Variants in SLC4A4 observed in about 807,000 individuals in gnomAD.
The protein encoded by SLC4A4 is solute carrier family 4 member 4.
A neutral mutation model predicts 111.5 loss-of-function variants in SLC4A4; 27 were observed. That is an observed-to-expected ratio of 0.24 (90% CI 0.18 to 0.33). The LOEUF (loss-of-function observed/expected upper bound fraction) is 0.33. SLC4A4 is among the 10% of genes least tolerant of loss of function. The pLI, the probability that SLC4A4 is intolerant of heterozygous loss-of-function variation, is 1.00. For synonymous variants in SLC4A4, 443 were observed against 463.4 expected, an observed-to-expected ratio of 0.96 and a Z score of 0.57; for missense variants, 909 against 1,315.5, an observed-to-expected ratio of 0.69 and a Z score of 4.78.
At chr4:71,319,781 A>G (rs1726974860) in intron 3 of SLC4A4, among the ~76,000 whole-genome samples, 2 of 151,942 alleles carry the variant, frequency 1.3e-5, no homozygotes, top group Non-Finnish European at 1.5e-5. Context: ...TGTTGTTATT[A>G]TATGTCAAAA....
In SLC4A4 at chr4:71,450,428, G is replaced by T. The variant is rs368983343; in HGVS notation, c.1093G>T (p.Asp365Tyr). ...TGCTTATAAAGCAAAAGACAGGCAC[G>T]ACCTGATTGCTGGTATTGATGAGTT... ...DIAYKAKDRH[D>Y]LIAGIDEFLD... Residue 365 changes from aspartate (D) to tyrosine (Y), a missense_variant, in exon 10 of 26, where the codon GAC becomes TAC. Asp to Tyr is a radical substitution (Grantham distance 160). Around this residue, in one of 7 missense-constraint regions of SLC4A4, gnomAD observed 312 missense variants for 402.0 expected, o/e 0.78. Coordinates refer to ENST00000264485, the MANE Select transcript of SLC4A4 (RefSeq NM_001098484.3). The T allele has an allele frequency of 6.2e-7, 1 of 1,612,128 alleles. No individual in the cohort carries two copies. Among genetic ancestry groups the T allele is most frequent in the African/African-American group, 1.3e-5 (1 of 74,852 alleles).
At chr4:71,416,639 C>T (rs182813779) in intron 7 of SLC4A4, among the ~76,000 whole-genome samples, 12 of 152,070 alleles carry the variant, frequency 7.9e-5, no homozygotes, top group African/African-American at 1.9e-4. Flanking sequence ...ATGATGCATA[C>T]GAAGTTTTTG....
At chr4:71,364,727 G>A (rs1443017994) in intron 6 of SLC4A4, among the ~76,000 whole-genome samples, 3 of 152,102 alleles carry the variant, frequency 2.0e-5, no homozygotes, top group Non-Finnish European at 2.9e-5. Context: ...AGAATTTTGG[G>A]GGGGATACAA....
chr4:71,514,125 T>C (rs972698515), intron 16 of SLC4A4, among the ~76,000 whole-genome samples: 3 of 152,204 alleles, frequency 2.0e-5, no homozygotes, highest in African/African-American at 4.8e-5. Context: ...GTTTTTGGTA[T>C]CAGGGTGATA....
intron 12 of SLC4A4, among the ~76,000 whole-genome samples, chr4:71,462,415 C>CTTTTTTTTTTTTTTTTTTTT (rs869306669): frequency 8.2e-6 from 1 of 121,896 alleles, no homozygotes. Flanking sequence ...ACCTCCTCAT[C>CTTTTTTTTTTTTTTTTTTTT]TTTTTTTTTT....
At chr4:71,206,077 A>G (rs957280440) in intron 1 of SLC4A4, among the ~76,000 whole-genome samples, 4 of 152,188 alleles carry the variant, frequency 2.6e-5, no homozygotes, top group African/African-American at 9.6e-5. Context: ...TTGCCTCTCT[A>G]TAGTTCTTTC....
At chr4:71,224,131 C>G (rs188584637) in intron 1 of SLC4A4, among the ~76,000 whole-genome samples, 2 of 150,358 alleles carry the variant, frequency 1.3e-5, no homozygotes, top group Admixed American at 6.6e-5. Context: ...CATCCATAGC[C>G]GTTCCCTAAG....
At chr4:71,108,601 T>C (rs188592437) in intron 2 of SLC4A4, among the ~76,000 whole-genome samples, 1 of 152,322 alleles carries the variant, frequency 6.6e-6, no homozygotes, top group East Asian at 1.9e-4. Flanking sequence ...AGTTTAATTA[T>C]AATGTGTCTC....
chr4:71,109,533 T>A (rs1296397009), intron 2 of SLC4A4, among the ~76,000 whole-genome samples: 1 of 151,830 alleles, frequency 6.6e-6, no homozygotes, highest in Admixed American at 6.6e-5. Context: ...CCTTTATTTT[T>A]ATTTTTATTT....
intron 3 of SLC4A4, among the ~76,000 whole-genome samples, chr4:71,292,228 A>G (rs1413256041): frequency 6.6e-6 from 1 of 152,230 alleles, no homozygotes; most frequent in Non-Finnish European, 1.5e-5. Context: ...TGAGTTAAAT[A>G]TGTGATTTTT....
intron 7 of SLC4A4, among the ~76,000 whole-genome samples, chr4:71,432,730 T>TAA (rs201134667): frequency 6.6e-6 from 1 of 151,974 alleles, no homozygotes; most frequent in Non-Finnish European, 1.5e-5. Context: ...GTATCAAATT[T>TAA]AAAAAAATCT....
chr4:71,329,611 T>C (rs1219172991), intron 3 of SLC4A4, among the ~76,000 whole-genome samples: 1 of 152,154 alleles, frequency 6.6e-6, no homozygotes, highest in East Asian at 1.9e-4. Context: ...TGATTTCTTT[T>C]TCAGATTGTT....
At chr4:71,291,554 C>T (rs1321200893) in intron 3 of SLC4A4, among the ~76,000 whole-genome samples, 2 of 152,030 alleles carry the variant, frequency 1.3e-5, no homozygotes, top group African/African-American at 4.8e-5. Flanking sequence ...ATCCTCTCGT[C>T]TCAGCCTCCC....
At position 71,350,108 on chromosome 4, in the gene SLC4A4, C is replaced by T. The variant is rs377557771; in HGVS notation, c.550+36C>T. 230 of 1,612,008 alleles carry T rather than the reference C, an allele frequency of 1.4e-4. 1 individual carries two copies. Among genetic ancestry groups the T allele is most frequent in the East Asian group, 3.1e-4 (14 of 44,862 alleles). The stretch of plus-strand genomic sequence containing the variant: ...TGTTTGAATTTTATCCTATTTTTTT[C>T]GGCTTTCCCTAGCCACATGTCTCCA... On this transcript the variant is annotated intron_variant, in intron 5 of 25. Coordinates refer to ENST00000264485, the MANE Select transcript of SLC4A4 (RefSeq NM_001098484.3).
intron 3 of SLC4A4, among the ~76,000 whole-genome samples, chr4:71,308,682 T>C (rs1725892645): frequency 6.6e-6 from 1 of 152,200 alleles, no homozygotes; most frequent in Non-Finnish European, 1.5e-5. Flanking sequence ...CTGGCCCAGA[T>C]ACTACGCTTC....
intron 6 of SLC4A4, among the ~76,000 whole-genome samples, chr4:71,367,257 A>G (rs1322020254): frequency 1.3e-5 from 2 of 152,234 alleles, no homozygotes; most frequent in African/African-American, 4.8e-5. Context: ...GAAGCAAGCC[A>G]TGGTATCAGT....
At chr4:71,086,658 A>C (rs1742185277) in intron 1 of SLC4A4, among the ~76,000 whole-genome samples, 1 of 152,064 alleles carries the variant, frequency 6.6e-6, no homozygotes, top group South Asian at 2.1e-4. Flanking sequence ...ATCTATTGAG[A>C]TAATCGTATG....
At chr4:71,476,933 T>C (rs1446045440) in intron 14 of SLC4A4, among the ~76,000 whole-genome samples, 1 of 151,702 alleles carries the variant, frequency 6.6e-6, no homozygotes, top group East Asian at 1.9e-4. Flanking sequence ...ATGTTAAATT[T>C]CCCACTGTAC....
intron 13 of SLC4A4, among the ~76,000 whole-genome samples, chr4:71,470,571 G>T (rs182319811): frequency 6.6e-6 from 1 of 151,978 alleles, no homozygotes; most frequent in Non-Finnish European, 1.5e-5. Context: ...AACTTCCATT[G>T]GTCTTGGTGT....
Sources: gnomAD v4.1 joint callset for allele counts (sites outside exome capture counted in the v4.1 genomes callset) on GRCh38, gnomAD v4.1.1 for gene constraint, gnomAD v4.1.1 regional missense constraint, MANE v1.5 for transcripts, NCBI Gene and HGNC (gene_info 2026-07-23, HGNC 2026-07-21) for gene names.